Variants in PRH1 observed in about 807,000 individuals in gnomAD.
The protein encoded by PRH1 is salivary acidic proline-rich phosphoprotein 1/2.
Under a neutral mutation model 7.9 loss-of-function variants are expected in PRH1, and 7 were observed. The observed-to-expected ratio is 0.89, with a 90% CI of 0.50 to 1.67. The LOEUF is 1.67. Ranked by LOEUF, PRH1 falls within the 40% of genes most tolerant of loss-of-function variation. The pLI, the probability that PRH1 is intolerant of heterozygous loss-of-function variation, is 0.00. For missense variants in PRH1, 109 were observed against 223.6 expected (o/e 0.49, Z 3.27); for synonymous variants, 45 against 80.8 (o/e 0.56, Z 2.38).
upstream of PRH1, among the ~76,000 whole-genome samples, chr12:10,888,377 A>C (rs1949524440): frequency 6.6e-6 from 1 of 152,164 alleles, no homozygotes; most frequent in Non-Finnish European, 1.5e-5. Flanking sequence ...TGGACACCTT[A>C]CCCATCTAGA....
chr12:11,053,523 A>C (rs1426451443), intron 1 of PRH1, among the ~76,000 whole-genome samples: 2 of 152,242 alleles, frequency 1.3e-5, no homozygotes, highest in African/African-American at 4.8e-5. Flanking sequence ...CACTACACTT[A>C]ACTTTCTAAA....
chr12:11,033,184 T>A (rs965397681), intron 1 of PRH1, among the ~76,000 whole-genome samples: 1 of 152,028 alleles, frequency 6.6e-6, no homozygotes, highest in Non-Finnish European at 1.5e-5. Flanking sequence ...CTGGCCAACA[T>A]GGTGAAACCC....
intron 1 of PRH1, among the ~76,000 whole-genome samples, chr12:11,141,008 C>CGT (rs1555173322): frequency 1.3e-5 from 2 of 151,760 alleles, no homozygotes; most frequent in Non-Finnish European, 2.9e-5. Context: ...CTAAGTAATA[C>CGT]TTGTATAACT....
At chr12:11,014,377 T>TA (rs148945610) in intron 1 of PRH1, among the ~76,000 whole-genome samples, 18,565 of 152,170 alleles carry the variant, frequency 0.12, 1,258 homozygotes, top group Non-Finnish European at 0.15. Context: ...TCAATGCAGC[T>TA]AATAGAGCAT....
upstream of PRH1, among the ~76,000 whole-genome samples, chr12:11,049,765 G>A (rs1943065938): frequency 6.6e-6 from 1 of 152,098 alleles, no homozygotes. Flanking sequence ...AATATGGTTT[G>A]TTTAATACCA....
At chr12:11,144,509 GGCTATCTGCCTCCCA>G (rs1404209926) in intron 1 of PRH1, among the ~76,000 whole-genome samples, 1 of 152,126 alleles carries the variant, frequency 6.6e-6, no homozygotes, top group Non-Finnish European at 1.5e-5. Flanking sequence ...ACTTGCCCAA[GGCTATCTGCCTCCCA>G]GCCATGAGAG....
chr12:11,049,955 T>A (rs1355985410), upstream of PRH1, among the ~76,000 whole-genome samples: 1 of 152,228 alleles, frequency 6.6e-6, no homozygotes, highest in East Asian at 1.9e-4. Flanking sequence ...AATTATTTTC[T>A]TATAAATCCC....
chr12:11,034,081 G>A (rs1417836119), intron 1 of PRH1, among the ~76,000 whole-genome samples: 1 of 71,688 alleles, frequency 1.4e-5, no homozygotes. Context: ...AAACTCCATC[G>A]CTTGGTCTAG....
chr12:11,134,233 A>G, intron 1 of PRH1: 1 of 1,612,810 alleles, frequency 6.2e-7, no homozygotes, highest in Non-Finnish European at 8.5e-7. Context: ...TGATGGGCAG[A>G]AAAGTTATCA....
intron 2 of PRH1, among the ~76,000 whole-genome samples, chr12:10,950,261 G>A (rs1418988671): frequency 1.3e-5 from 2 of 151,958 alleles, no homozygotes; most frequent in African/African-American, 2.4e-5. Flanking sequence ...GGTCTTATGA[G>A]GTGATCCTCC....
chr12:10,926,161 T>C (rs1329421740), intron 2 of PRH1, among the ~76,000 whole-genome samples: 3 of 152,196 alleles, frequency 2.0e-5, no homozygotes, highest in South Asian at 4.1e-4. Flanking sequence ...CAAAGCAAAG[T>C]TGAAGTCTCA....
chr12:11,105,332 T>C lies in PRH1; in HGVS notation n.124-58144A>G, dbSNP rs979950863. Among the ~76,000 whole-genome samples, 22 of 152,254 alleles carry C rather than the reference T, an allele frequency of 1.4e-4. 1 individual carries two copies. Among genetic ancestry groups the C allele is most frequent in the Admixed American group, 1.4e-3 (21 of 15,290 alleles). ...GTCTGAATTTTTTTAAAGGCAAGCC[T>C]GATATCACTGGTCAAGATTTCCTTT... is the stretch of plus-strand genomic sequence containing the variant. On this transcript the variant is annotated intron_variant and non_coding_transcript_variant, in intron 1 of 4. Coordinates refer to the PRH1 transcript ENST00000541977.
At chr12:10,931,116 A>T (rs765441363) in intron 2 of PRH1, 1 of 1,580,022 alleles carries the variant, frequency 6.3e-7, no homozygotes, top group Admixed American at 1.9e-5. Flanking sequence ...AAAGGCTCCA[A>T]CTGCTACAGT....
chr12:11,013,483 A>G (rs1475403931), intron 1 of PRH1, among the ~76,000 whole-genome samples: 1 of 152,176 alleles, frequency 6.6e-6, no homozygotes, highest in Admixed American at 6.6e-5. Flanking sequence ...AAATGTAAAA[A>G]GTGAGATTAG....
chr12:10,888,516 T>C (rs530483982), upstream of PRH1, among the ~76,000 whole-genome samples: 63 of 152,354 alleles, frequency 4.1e-4, no homozygotes, highest in African/African-American at 1.3e-3. Context: ...TATATATCTA[T>C]GCAAAAGCGT....
chr12:11,062,378 T>A, intron 1 of PRH1: 1 of 1,383,734 alleles, frequency 7.2e-7, no homozygotes. Flanking sequence ...CCTTAAATTC[T>A]ATATGCACCT....
chr12:11,036,512 G>A (rs530998288), intron 1 of PRH1, among the ~76,000 whole-genome samples: 9 of 152,236 alleles, frequency 5.9e-5, no homozygotes, highest in Middle Eastern at 6.8e-3. Context: ...AAATAAAAGC[G>A]TGCTCAAAAA....
chr12:10,920,025 T>C (rs1950024968), intron 2 of PRH1, among the ~76,000 whole-genome samples: 1 of 151,926 alleles, frequency 6.6e-6, no homozygotes, highest in African/African-American at 2.4e-5. Flanking sequence ...TGATTCTCTG[T>C]GTAGCTAAGA....
intron 1 of PRH1, among the ~76,000 whole-genome samples, chr12:10,981,894 T>G: frequency 6.6e-6 from 1 of 151,092 alleles, no homozygotes; most frequent in African/African-American, 2.4e-5. Flanking sequence ...AGATTCTTAC[T>G]ATGTTGCCAA....
Sources: gnomAD v4.1 joint callset for allele counts (sites outside exome capture counted in the v4.1 genomes callset) on GRCh38, gnomAD v4.1.1 for gene constraint, MANE v1.5 for transcripts, NCBI Gene and HGNC (gene_info 2026-07-23, HGNC 2026-07-21) for gene names.